UPB1: variants seen among roughly 807,000 people sequenced by gnomAD.
UPB1 encodes beta-ureidopropionase 1.
UPB1 carries 40 observed loss-of-function variants against 49.1 expected under a neutral mutation model. The ratio of observed to expected loss-of-function variants is 0.81; its 90% confidence interval spans 0.63 to 1.06. The LOEUF (loss-of-function observed/expected upper bound fraction) is 1.06, where lower values mean the gene tolerates loss of function less well. Ranked by LOEUF, UPB1 falls within the 50% of genes least tolerant of loss-of-function variation. The pLI is 0.00. For synonymous variants in UPB1, 207 were observed against 198.2 expected (o/e 1.04, Z -0.38); for missense variants, 499 against 505.9 (o/e 0.99, Z 0.13).
chr22:24,520,351 G>A, intron 6 of UPB1, 36 bp from the exon 7 acceptor site: 1 of 1,612,166 alleles, frequency 6.2e-7, no homozygotes, highest in South Asian at 1.1e-5. Flanking sequence ...TGCCTGGAAA[G>A]TCGGCAACCT....
At chr22:24,504,480 T>A (rs934256332) in intron 3 of UPB1, among the ~76,000 whole-genome samples, 3 of 152,054 alleles carry the variant, frequency 2.0e-5, no homozygotes, top group Admixed American at 2.0e-4. Flanking sequence ...ACTGTAGGAG[T>A]TTCTCTTTTT....
intron 4 of UPB1, among the ~76,000 whole-genome samples, chr22:24,511,613 TATATA>T (rs1212343321): frequency 1.0e-5 from 1 of 96,732 alleles, no homozygotes; most frequent in African/African-American, 3.7e-5. Flanking sequence ...TATATATATA[TATATA>T]TTTTTTTTTT....
In UPB1 at chr22:24,515,248, G is replaced by A. The variant is rs147994426; in HGVS notation, c.669G>A (p.Thr223=). 3.1e-5 allele frequency: 50 copies of A among 1,614,046 alleles called. No individual in the cohort carries two copies. Among genetic ancestry groups the A allele is most frequent in the East Asian group, 1.8e-4 (8 of 44,882 alleles). Reference sequence around the variant, plus strand: ...ACCTGGGCCACCCCGTGTTCCAGACGCAGTTCGGAAGGATCGCGGTGAACA... The same window carrying A: ...ACCTGGGCCACCCCGTGTTCCAGACACAGTTCGGAAGGATCGCGGTGAACA... ...EGNLGHPVFQ[T]QFGRIAVNIC... is the part of the protein sequence containing the mutation. The change falls in exon 6 of 10, where the codon ACG becomes ACA. Residue 223 remains threonine (T), a synonymous_variant. Coordinates refer to ENST00000326010, the MANE Select transcript of UPB1 (RefSeq NM_016327.3).
Position 24,495,426 on chromosome 22 carries a change from C to T in UPB1, c.23C>T (p.Ser8Leu). 4 of 1,613,444 alleles carry T rather than the reference C, an allele frequency of 2.5e-6. No homozygotes were observed. The highest frequency in any genetic ancestry group is 3.4e-6 in the Non-Finnish European group (4 of 1,180,030). MAGAEWK[S>L]LEECLEKHLP... ...GCCATGGCGGGCGCTGAGTGGAAGT[C>T]GCTGGAGGAATGCTTGGAGAAGCAC... Residue 8 changes from serine (S) to leucine (L), a missense_variant, in exon 1 of 10, where the codon TCG becomes TTG. By Grantham distance (145) the Ser-to-Leu change is moderately radical (BLOSUM62 -2). Transcript: ENST00000326010.
intron 8 of UPB1, among the ~76,000 whole-genome samples, chr22:24,522,641 C>T (rs1355177910): frequency 6.6e-6 from 1 of 151,720 alleles, no homozygotes; most frequent in Non-Finnish European, 1.5e-5. Context: ...CTCTAGAAAG[C>T]CAGGAGGAGG....
In UPB1 at chr22:24,523,610, C is replaced by T; in HGVS notation, c.917-9C>T. ...AAGCTCACAGATGTGTTTCTTTGTTCCTTTAAAGCTCACCAGGACTTTGGC... is the reference window on the plus strand; with the variant it reads ...AAGCTCACAGATGTGTTTCTTTGTTTCTTTAAAGCTCACCAGGACTTTGGC... On this transcript the variant is annotated splice_polypyrimidine_tract_variant and intron_variant, in intron 8 of 9. Transcript: ENST00000326010. The T allele has an allele frequency of 6.2e-7, 1 of 1,614,198 alleles. No homozygotes were observed.
At chr22:24,511,001 T>C (rs1261894128) in intron 4 of UPB1, among the ~76,000 whole-genome samples, 158 bp downstream of exon 4, 1 of 152,182 alleles carries the variant, frequency 6.6e-6, no homozygotes, top group Admixed American at 6.5e-5. Flanking sequence ...GCCACTTTTT[T>C]TTTTAGCGTA....
intron 3 of UPB1, 125 bp downstream of exon 3, chr22:24,502,338 T>G (rs762259306): frequency 3.6e-6 from 4 of 1,107,990 alleles, no homozygotes; most frequent in Non-Finnish European, 5.6e-6. Context: ...CATGGAAAGT[T>G]CTCCGTCCAC....
intron 3 of UPB1, among the ~76,000 whole-genome samples, chr22:24,510,461 T>C (rs1167830071): frequency 7.2e-5 from 11 of 152,236 alleles, no homozygotes; most frequent in Non-Finnish European, 1.5e-4. Flanking sequence ...GTTTCCATCT[T>C]TTGGCTATTG....
intron 9 of UPB1, among the ~76,000 whole-genome samples, chr22:24,524,077 C>T (rs988611566): frequency 7.2e-5 from 11 of 152,250 alleles, no homozygotes; most frequent in Non-Finnish European, 1.6e-4. Flanking sequence ...ATTGGCTCCT[C>T]TAATCCTTTT....
rs145910750 is a variant in UPB1, at chr22:24,501,087, T to C, written c.276+809T>C. ...TATCAGGATTTGTTTTTTGTGGATA[T>C]GTCCCCTCTATCATCCCAGACTGTC... On this transcript the variant is annotated intron_variant, in intron 2 of 9. Transcript: ENST00000326010. Among the ~76,000 whole-genome samples the C allele has an allele frequency of 7.6e-4, 116 of 152,374 alleles. No individual in the cohort carries two copies. The East Asian group carries it at 0.021, about 27-fold the overall frequency.
rs762723769 is a variant in UPB1, at chr22:24,500,216, G to GTGCA, written c.215_218dup (p.Val74AlafsTer26). 6 of 1,614,096 alleles carry GTGCA rather than the reference G, an allele frequency of 3.7e-6. No homozygotes were observed. The highest frequency in any genetic ancestry group is 1.7e-5 in the Admixed American group (1 of 60,012). On this transcript the variant is annotated frameshift_variant, in exon 2 of 10. Coordinates refer to ENST00000326010, the MANE Select transcript of UPB1 (RefSeq NM_016327.3). LOFTEE classifies it high-confidence loss of function. ...GGAGCAGCTGAGACGACCCCGCATT[G>GTGCA]TGCACGTGGGGCTGGTTCAGAACAG...
At chr22:24,520,550 C>A in intron 7 of UPB1, 82 bp downstream of exon 7, 1 of 1,490,770 alleles carries the variant, frequency 6.7e-7, no homozygotes, top group Non-Finnish European at 9.2e-7. Flanking sequence ...TGCACACATG[C>A]CACAAATCCT....
intron 6 of UPB1, chr22:24,520,056 CTG>C (rs1421708573): frequency 5.0e-6 from 2 of 401,500 alleles, no homozygotes; most frequent in Non-Finnish European, 9.4e-6. Context: ...GAAAAGGAAA[CTG>C]AGGCTCAGGA....
chr22:24,520,340 C>T (rs1293976867), intron 6 of UPB1, 47 bp from the exon 7 acceptor site: 1 of 1,603,222 alleles, frequency 6.2e-7, no homozygotes, highest in Non-Finnish European at 8.5e-7. Context: ...TCCACTGAGT[C>T]TGCCTGGAAA....
intron 8 of UPB1, among the ~76,000 whole-genome samples, chr22:24,523,167 C>G (rs1430816730): frequency 6.6e-6 from 1 of 152,132 alleles, no homozygotes; most frequent in African/African-American, 2.4e-5. Flanking sequence ...CTGCCCAGCC[C>G]CACCTGCTCC....
intron 3 of UPB1, among the ~76,000 whole-genome samples, chr22:24,505,680 G>A (rs974973657): frequency 1.3e-5 from 2 of 152,102 alleles, no homozygotes; most frequent in Non-Finnish European, 2.9e-5. Flanking sequence ...GTGGAGAAAG[G>A]ACCTGGATTT....
chr22:24,503,540 GAC>G (rs1419486230), intron 3 of UPB1: 3 of 118,866 alleles, frequency 2.5e-5, no homozygotes, highest in African/African-American at 6.4e-5. Flanking sequence ...GGTCACGCTG[GAC>G]ACAGTTTCCA....
chr22:24,511,618 A>ATATTT (rs1280628896), intron 4 of UPB1, among the ~76,000 whole-genome samples: 5 of 122,568 alleles, frequency 4.1e-5, no homozygotes, highest in African/African-American at 1.2e-4. Context: ...ATATATATAT[A>ATATTT]TTTTTTTTTT....
Sources: gnomAD v4.1 joint callset for allele counts (sites outside exome capture counted in the v4.1 genomes callset) on GRCh38, gnomAD v4.1.1 for gene constraint, MANE v1.5 for transcripts, NCBI Gene and HGNC (gene_info 2026-07-23, HGNC 2026-07-21) for gene names.